NIPBL: variants seen among roughly 807,000 people sequenced by gnomAD.
NIPBL encodes nipped-B-like protein.
In NIPBL, 19 loss-of-function variants were observed where a neutral mutation model predicts 321.8. The observed-to-expected ratio is 0.06, with a 90% CI of 0.04 to 0.09. The LOEUF (loss-of-function observed/expected upper bound fraction) is 0.09. Ranked by LOEUF, NIPBL falls within the 10% of genes least tolerant of loss-of-function variation. The pLI is 1.00. For missense variants in NIPBL, 2,210 were observed against 3,327.0 expected, an observed-to-expected ratio of 0.66 and a Z score of 8.26; for synonymous variants, 1,106 against 1,114.1, an observed-to-expected ratio of 0.99 and a Z score of 0.14.
chr5:36,914,828 A>T (rs1748335516), intron 1 of NIPBL, among the ~76,000 whole-genome samples: 1 of 152,178 alleles, frequency 6.6e-6, no homozygotes, highest in South Asian at 2.1e-4. Flanking sequence ...TTGAGAGTTT[A>T]GTGATTTGCC....
chr5:36,934,712 A>G (rs1023675973), intron 1 of NIPBL, among the ~76,000 whole-genome samples: 4 of 152,010 alleles, frequency 2.6e-5, no homozygotes, highest in African/African-American at 4.8e-5. Flanking sequence ...TTGTAGTGCC[A>G]AAAAAGAATC....
In NIPBL at chr5:37,058,986, G is replaced by C. The variant is rs762573705; in HGVS notation, c.7506G>C (p.Lys2502Asn). The C allele has an allele frequency of 6.2e-7, 1 of 1,614,228 alleles. No individual in the cohort carries two copies. The highest frequency in any genetic ancestry group is 8.5e-7 in the Non-Finnish European group (1 of 1,180,040). The change falls in exon 44 of 47, where the codon AAG (lysine) becomes AAC (asparagine). Residue 2502 changes from lysine (K) to asparagine (N), a missense_variant. Coordinates refer to ENST00000282516, the MANE Select transcript of NIPBL (RefSeq NM_133433.4). ...DSEEEVSRPRKSRKRVDSDSD... is the reference protein window; with the variant it reads ...DSEEEVSRPRNSRKRVDSDSD... ...AAGAAGAAGTTTCCAGGCCTCGGAA[G>C]TCACGGAAACGTGTAGATTCAGATT...
At position 37,064,839 on chromosome 5, in the gene NIPBL, G is replaced by A; in HGVS notation, c.8362G>A (p.Val2788Ile). The change falls in exon 47 of 47, where the codon GTT becomes ATT. Residue 2788 changes from valine (V) to isoleucine (I), a missense_variant. By Grantham distance (29) the Val-to-Ile change is conservative (BLOSUM62 3). Coordinates refer to ENST00000282516, the MANE Select transcript of NIPBL (RefSeq NM_133433.4). ...GAGTGCTAATAAGCTGACTAATAAA[G>A]TTGTTCAGACTTTACGATCCCTGTA... ...LTSANKLTNK[V>I]VQTLRSLYAA... 1.2e-6 allele frequency: 2 copies of A among 1,614,146 alleles called. No homozygotes were observed. The highest frequency in any genetic ancestry group is 1.7e-5 in the Admixed American group (1 of 60,000).
rs745325884 is a variant in NIPBL at position 37,017,172 on chromosome 5, TA to T, written c.4920+14del. 1 of 1,601,472 alleles carries T rather than the reference TA, an allele frequency of 6.2e-7. No homozygotes were observed. Among genetic ancestry groups the T allele is most frequent in the Non-Finnish European group, 8.5e-7 (1 of 1,169,692 alleles). ...ACGCATTTTAAAACAGGTACTAAGA[TA>T]AAAGATTAAAATTATGGGAATGAAT... is the stretch of plus-strand genomic sequence containing the variant. On this transcript the variant is annotated intron_variant, in intron 24 of 46. Transcript: ENST00000282516.
Position 37,063,865 on chromosome 5 carries a change from C to T in NIPBL, c.7936C>T (p.Arg2646Trp), listed in dbSNP as rs1308325504. 1.2e-5 allele frequency: 19 copies of T among 1,613,746 alleles called. No individual in the cohort carries two copies. The highest frequency in any genetic ancestry group is 2.2e-5 in the East Asian group (1 of 44,882). The change falls in exon 46 of 47, where the codon CGG becomes TGG. Residue 2646 changes from arginine to tryptophan, a missense_variant. Around this residue, in one of 14 missense-constraint regions of NIPBL, gnomAD observed 159 missense variants for 319.2 expected, o/e 0.50. Coordinates refer to ENST00000282516, the MANE Select transcript of NIPBL (RefSeq NM_133433.4). ...GGAGGTTTCAGCTAGCACAAATGCTCGGAACAAAGCAATTACCTCACTGCT... is the reference window on the plus strand; with the variant it reads ...GGAGGTTTCAGCTAGCACAAATGCTTGGAACAAAGCAATTACCTCACTGCT... ...EGEVSASTNA[R>W]NKAITSLLGG...
At chr5:36,922,174 G>A (rs771358002) in intron 1 of NIPBL, among the ~76,000 whole-genome samples, 5 of 151,892 alleles carry the variant, frequency 3.3e-5, no homozygotes, top group Non-Finnish European at 1.5e-5. Flanking sequence ...AGGCATGAGC[G>A]ACAGCACCTG....
intron 1 of NIPBL, among the ~76,000 whole-genome samples, chr5:36,933,803 C>G (rs757566908): frequency 2.2e-4 from 34 of 151,948 alleles, no homozygotes; most frequent in Non-Finnish European, 4.3e-4. Flanking sequence ...TAAAAAGTTA[C>G]TCATATTGCT....
chr5:36,882,190 A>G (rs1041518432), intron 1 of NIPBL, among the ~76,000 whole-genome samples: 37 of 151,850 alleles, frequency 2.4e-4, no homozygotes, highest in Non-Finnish European at 1.6e-4. Flanking sequence ...TCTCATCTTT[A>G]TGACAAATCT....
At chr5:37,032,438 T>TGTGTGTGTGTGTGG (rs55748684) in intron 32 of NIPBL, among the ~76,000 whole-genome samples, 1 of 98,222 alleles carries the variant, frequency 1.0e-5, no homozygotes, top group African/African-American at 3.8e-5. Context: ...TGTGTGTGTG[T>TGTGTGTGTGTGTGG]AGTGTGTGTG....
At chr5:37,060,749 T>C in intron 44 of NIPBL, 95 bp from the exon 45 acceptor site, 1 of 1,062,510 alleles carries the variant, frequency 9.4e-7, no homozygotes, top group Non-Finnish European at 1.4e-6. Flanking sequence ...GAGAAACTAA[T>C]TTCATTAATA....
At chr5:36,977,834 A>G (rs1250668965) in intron 9 of NIPBL, among the ~76,000 whole-genome samples, 2 of 151,360 alleles carry the variant, frequency 1.3e-5, no homozygotes, top group African/African-American at 4.9e-5. Flanking sequence ...TTGAATTCCC[A>G]CTTATAAGTG....
intron 5 of NIPBL, 29 bp from the exon 6 acceptor site, chr5:36,962,094 T>C (rs1202609917): frequency 8.7e-6 from 14 of 1,613,558 alleles, no homozygotes; most frequent in African/African-American, 1.3e-5. Context: ...TATTTCCTTA[T>C]ATTTTTTTAT....
intron 23 of NIPBL, among the ~76,000 whole-genome samples, chr5:37,016,544 AGTC>A (rs1338872454): frequency 2.6e-5 from 4 of 152,170 alleles, no homozygotes; most frequent in East Asian, 1.9e-4. Context: ...GGCATTTTGT[AGTC>A]GTCATGTAAC....
chr5:37,020,719 T>C, intron 26 of NIPBL, 46 bp downstream of exon 26: 4 of 1,600,304 alleles, frequency 2.5e-6, no homozygotes, highest in Non-Finnish European at 3.4e-6. Context: ...CCTTGATATC[T>C]ATTTCCCTAA....
intron 6 of NIPBL, among the ~76,000 whole-genome samples, chr5:36,965,172 A>G (rs1308898631): frequency 2.0e-5 from 3 of 152,130 alleles, no homozygotes; most frequent in Non-Finnish European, 4.4e-5. Context: ...CAATTCCACT[A>G]GTAGGTATGT....
chr5:37,012,609 TTCCG>T (rs1358576102), intron 21 of NIPBL, among the ~76,000 whole-genome samples: 38 of 152,284 alleles, frequency 2.5e-4, no homozygotes, highest in African/African-American at 7.7e-4. Context: ...CCCTGCGGCC[TTCCG>T]GCCTTCCGCA....
chr5:36,953,080 G>A (rs1740579744), intron 1 of NIPBL, among the ~76,000 whole-genome samples: 2 of 152,142 alleles, frequency 1.3e-5, no homozygotes. Context: ...AATGTATAAA[G>A]ATGGGAATAC....
chr5:37,012,456 A>ATTT (rs763144789), intron 21 of NIPBL, among the ~76,000 whole-genome samples: 164 of 107,190 alleles, frequency 1.5e-3, no homozygotes, highest in East Asian at 3.0e-3. Flanking sequence ...TCTTTCTCCA[A>ATTT]TTTTTTTTTT....
At chr5:36,939,756 GAGAGCACA>G (rs1738855983) in intron 1 of NIPBL, among the ~76,000 whole-genome samples, 1 of 152,192 alleles carries the variant, frequency 6.6e-6, no homozygotes, top group South Asian at 2.1e-4. Context: ...GGAGGAGCAA[GAGAGCACA>G]AGACATTAGT....
Sources: gnomAD v4.1 joint callset for allele counts (sites outside exome capture counted in the v4.1 genomes callset) on GRCh38, gnomAD v4.1.1 for gene constraint, gnomAD v4.1.1 regional missense constraint, MANE v1.5 for transcripts, NCBI Gene and HGNC (gene_info 2026-07-23, HGNC 2026-07-21) for gene names.